DHX58: variants seen among roughly 807,000 people sequenced by gnomAD.
DHX58 encodes DExH-box helicase 58.
A neutral mutation model predicts 65.0 loss-of-function variants in DHX58; 51 were observed. The ratio of observed to expected loss-of-function variants is 0.78; its 90% CI spans 0.63 to 0.99. The LOEUF (loss-of-function observed/expected upper bound fraction) is 0.99, where lower values mean the gene tolerates loss of function less well. Among genes scored for constraint, DHX58 ranks in the 50% least tolerant of loss-of-function variants. The pLI is 0.00. For synonymous variants in DHX58, 350 were observed against 365.0 expected (o/e 0.96, Z 0.47); for missense variants, 773 against 891.8 (o/e 0.87, Z 1.70).
rs953966436 is a variant in DHX58 at position 42,109,522 on chromosome 17, G to A, written c.562-136C>T. On this transcript the variant is annotated intron_variant, in intron 5 of 13. Transcript: ENST00000251642. The stretch of plus-strand genomic sequence containing the variant: ...TACTCAAATATTGCTCGCCCTCTCT[G>A]TGCCCGTCTTGTTCTAGGCACTGGG... 5 of 683,988 alleles carry A rather than the reference G, an allele frequency of 7.3e-6. No individual in the cohort carries two copies. The Admixed American group carries it at 8.2e-5, about 11-fold the overall frequency. 42.4% of individuals were successfully genotyped at this position (683,988 alleles called of 1,614,324 possible).
Position 42,107,722 on chromosome 17 carries a change from G to C in DHX58, c.879C>G (p.Ile293Met). ...HLRRYNDALL[I>M]HDTVRAVDAL... Reference sequence around the variant, plus strand: ...CATCCACGGCGCGGACGGTGTCATGGATGAGCAGCGCGTCATTGTAGCGCC... The same window carrying C: ...CATCCACGGCGCGGACGGTGTCATGCATGAGCAGCGCGTCATTGTAGCGCC... Residue 293 changes from isoleucine (I) to methionine (M), a missense_variant, in exon 8 of 14, where the codon ATC becomes ATG. Coordinates refer to ENST00000251642, the MANE Select transcript of DHX58 (RefSeq NM_024119.3). 6.2e-7 allele frequency: 1 copy of C among 1,608,964 alleles called. No individual in the cohort carries two copies. The highest frequency in any genetic ancestry group is 1.3e-5 in the African/African-American group (1 of 74,930).
chr17:42,111,728 G>A lies in DHX58; in HGVS notation c.165C>T (p.Asn55=). ...VDGAKVVVLV[N]RVHLVTQHGE... is the part of the protein sequence containing the mutation. ...GGGGTAGGGACAGACCACTCACCCT[G>A]TTGACCAATACAACCACCTTGGCTC... is the stretch of plus-strand genomic sequence containing the variant. The change falls in exon 3 of 14, where the codon AAC becomes AAT. Residue 55 remains asparagine (N), a synonymous_variant. Coordinates refer to ENST00000251642, the MANE Select transcript of DHX58 (RefSeq NM_024119.3). 1.2e-6 allele frequency: 2 copies of A among 1,609,810 alleles called. No individual in the cohort carries two copies. The highest frequency in any genetic ancestry group is 1.7e-6 in the Non-Finnish European group (2 of 1,176,800).
At chr17:42,106,349 A>C (rs1485720353) in intron 8 of DHX58, among the ~76,000 whole-genome samples, 1 of 149,724 alleles carries the variant, frequency 6.7e-6, no homozygotes, top group African/African-American at 2.5e-5. Context: ...GAAAAGCCCC[A>C]GAGGCAGAGG....
At position 42,101,946 on chromosome 17, in the gene DHX58, C is replaced by T; in HGVS notation, c.1852G>A (p.Val618Ile). Reference protein sequence around the residue: ...GVISCRNCGEVWGLQMIYKSV... With the variant: ...GVISCRNCGEIWGLQMIYKSV... ...TTGTAGATCATCTGCAGACCCCAGA[C>T]CTGGAGGTGAGACAGAGAGGGTAGG... is the stretch of plus-strand genomic sequence containing the variant. Residue 618 changes from valine (V) to isoleucine (I), a missense_variant and splice_region_variant, in exon 14 of 14, where the codon GTC (valine) becomes ATC (isoleucine). By Grantham distance (29) the Val-to-Ile change is conservative. Transcript: ENST00000251642. 1 of 1,608,502 alleles carries T rather than the reference C, an allele frequency of 6.2e-7. No homozygotes were observed. The highest frequency in any genetic ancestry group is 1.7e-5 in the Admixed American group (1 of 58,874).
At chr17:42,104,522 G>A (rs993943473) in intron 11 of DHX58, among the ~76,000 whole-genome samples, 1 of 152,132 alleles carries the variant, frequency 6.6e-6, no homozygotes, top group South Asian at 2.1e-4. Flanking sequence ...GATACATAAA[G>A]TATCTCATGG....
chr17:42,110,186 C>CA (rs11318535), intron 5 of DHX58, among the ~76,000 whole-genome samples: 46 of 110,320 alleles, frequency 4.2e-4, no homozygotes, highest in South Asian at 1.8e-3. Context: ...GACTCCATCT[C>CA]AAAAAAAAAA....
chr17:42,103,569 C>T (rs1434767422), intron 12 of DHX58, 39 bp downstream of exon 12: 2 of 1,609,458 alleles, frequency 1.2e-6, no homozygotes, highest in African/African-American at 2.7e-5. Flanking sequence ...GGAAGGATTC[C>T]CAGGCCCCCA....
rs1555662306 is a variant in DHX58 at position 42,105,008 on chromosome 17, A to T, written c.1401+10T>A. 5 of 1,612,250 alleles carry T rather than the reference A, an allele frequency of 3.1e-6. No homozygotes were observed. The highest frequency in any genetic ancestry group is 4.2e-6 in the Non-Finnish European group (5 of 1,178,978). ...TATAAGGGCGGCTGAGTGGAGGAGG[A>T]TGTGAGTACCTGGACCATGGAGATT... On this transcript the variant is annotated intron_variant, in intron 10 of 13. Coordinates refer to ENST00000251642, the MANE Select transcript of DHX58 (RefSeq NM_024119.3).
In DHX58 at chr17:42,105,813, C is replaced by CCTG. The variant is rs1283526481; in HGVS notation, c.1171_1173dup (p.Gln391dup). On this transcript the variant is annotated inframe_insertion, in exon 9 of 14. Transcript: ENST00000251642. Reference sequence around the variant, plus strand: ...GCCCGGATGTCCACAGTCTGCAGGCCCTGCTGCTGCTGGAGCCAGAGCAGG... The same window carrying CCTG: ...GCCCGGATGTCCACAGTCTGCAGGCCCTGCTGCTGCTGCTGGAGCCAGAGCAGG... 2 of 1,613,618 alleles carry CCTG rather than the reference C, an allele frequency of 1.2e-6. No homozygotes were observed. Among genetic ancestry groups the CCTG allele is most frequent in the Non-Finnish European group, 8.5e-7 (1 of 1,179,790 alleles).
intron 7 of DHX58, 82 bp from the exon 8 acceptor site, chr17:42,107,877 A>G: frequency 6.5e-7 from 1 of 1,543,544 alleles, no homozygotes; most frequent in Non-Finnish European, 8.7e-7. Flanking sequence ...ACTCGACTCC[A>G]CCCCTGGGGT....
At chr17:42,111,159 C>G in intron 4 of DHX58, 137 bp downstream of exon 4, 2 of 1,121,496 alleles carry the variant, frequency 1.8e-6, no homozygotes, top group Non-Finnish European at 2.5e-6. Context: ...TACTAGAGTG[C>G]CTGCAGGGGT....
intron 2 of DHX58, 23 bp downstream of exon 2, chr17:42,112,090 C>T: frequency 3.1e-6 from 2 of 638,742 alleles, no homozygotes; most frequent in Non-Finnish European, 5.1e-6. Flanking sequence ...CTACACCTGC[C>T]CCCTGCCCAG....
chr17:42,111,485 T>C lies in DHX58; in HGVS notation c.181A>G (p.Thr61Ala). 2 of 1,613,930 alleles carry C rather than the reference T, an allele frequency of 1.2e-6. No individual in the cohort carries two copies. Among genetic ancestry groups the C allele is most frequent in the Non-Finnish European group, 1.7e-6 (2 of 1,179,960 alleles). ...CGCCTGAACTCTTCACCATGCTGGGTCACCAGGTGCACCTGGGGGTGGAGA... is the reference window on the plus strand; with the variant it reads ...CGCCTGAACTCTTCACCATGCTGGGCCACCAGGTGCACCTGGGGGTGGAGA... ...VVLVNRVHLV[T>A]QHGEEFRRML... Residue 61 changes from threonine to alanine, a missense_variant, in exon 4 of 14, where the codon ACC becomes GCC. Thr to Ala is a moderately conservative substitution (Grantham distance 58). Transcript: ENST00000251642.
Position 42,110,854 on chromosome 17 carries a change from CGTT to C in DHX58, c.427_429del (p.Asn143del). ...AGTTCTAGGTACTGGCTCATGATGA[CGTT>C]GTAGACGGTGTCCTTGTGCGTGTGG... On this transcript the variant is annotated inframe_deletion, in exon 5 of 14. Transcript: ENST00000251642. The C allele has an allele frequency of 1.2e-6, 2 of 1,613,906 alleles. No homozygotes were observed. The highest frequency in any genetic ancestry group is 1.7e-6 in the Non-Finnish European group (2 of 1,179,916).
At chr17:42,107,872 ACT>A in intron 7 of DHX58, 77 bp from the exon 8 acceptor site, 1 of 1,552,376 alleles carries the variant, frequency 6.4e-7, no homozygotes, top group East Asian at 2.3e-5. Context: ...GTCCCACTCG[ACT>A]CCACCCCTGG....
At chr17:42,106,872 G>T (rs76296207) in intron 8 of DHX58, among the ~76,000 whole-genome samples, 7,409 of 152,094 alleles carry the variant, frequency 0.049, 190 homozygotes, top group Non-Finnish European at 0.057. Flanking sequence ...TCACACCGGG[G>T]TCATACAGTA....
intron 8 of DHX58, among the ~76,000 whole-genome samples, chr17:42,107,302 G>A (rs1224747808): frequency 6.6e-6 from 1 of 151,406 alleles, no homozygotes; most frequent in East Asian, 1.9e-4. Context: ...TTAGGTCGAG[G>A]TTGCAGTGAG....
At chr17:42,105,212 A>AG in intron 9 of DHX58, 45 bp from the exon 10 acceptor site, 1 of 1,546,830 alleles carries the variant, frequency 6.5e-7, no homozygotes, top group African/African-American at 1.4e-5. Context: ...GTACATGAGG[A>AG]GGCTCAGACT....
rs782646052 is a variant in DHX58, at chr17:42,104,757, C to T, written c.1563+9G>A. 1 of 1,613,426 alleles carries T rather than the reference C, an allele frequency of 6.2e-7. No homozygotes were observed. Among genetic ancestry groups the T allele is most frequent in the Non-Finnish European group, 8.5e-7 (1 of 1,179,842 alleles). Reference sequence around the variant, plus strand: ...TCCCTCCCACAGGGCATGCAGGCTGCCTGCAGACCTTGGCCTGGTACTCGG... The same window carrying T: ...TCCCTCCCACAGGGCATGCAGGCTGTCTGCAGACCTTGGCCTGGTACTCGG... On this transcript the variant is annotated intron_variant, in intron 11 of 13. Transcript: ENST00000251642.
Sources: gnomAD v4.1 joint callset for allele counts (sites outside exome capture counted in the v4.1 genomes callset) on GRCh38, gnomAD v4.1.1 for gene constraint, MANE v1.5 for transcripts, NCBI Gene and HGNC (gene_info 2026-07-23, HGNC 2026-07-21) for gene names.